Variants in ADAM28 observed in about 807,000 individuals in gnomAD.
ADAM28 encodes disintegrin and metalloproteinase domain-containing protein 28.
A neutral mutation model predicts 101.2 loss-of-function variants in ADAM28; 105 were observed. That is an observed-to-expected ratio of 1.04 (90% CI 0.89 to 1.22). The LOEUF (loss-of-function observed/expected upper bound fraction) is 1.22. ADAM28 is among the 50% of genes most tolerant of loss of function. The pLI, the probability that ADAM28 is intolerant of heterozygous loss-of-function variation, is 0.00. For synonymous variants in ADAM28, 322 were observed against 310.6 expected, an observed-to-expected ratio of 1.04 and a Z score of -0.39; for missense variants, 1,028 against 945.4, an observed-to-expected ratio of 1.09 and a Z score of -1.15.
chr8:24,299,397 T>C (rs781492183), intron 1 of ADAM28, among the ~76,000 whole-genome samples: 2 of 152,224 alleles, frequency 1.3e-5, no homozygotes, highest in Non-Finnish European at 2.9e-5. Flanking sequence ...ATAAGGTTTT[T>C]CTGTACTGCT....
intron 10 of ADAM28, among the ~76,000 whole-genome samples, chr8:24,327,415 C>T (rs933413277): frequency 7.2e-5 from 11 of 152,084 alleles, no homozygotes; most frequent in Non-Finnish European, 1.5e-4. Context: ...GAAAAATATT[C>T]CATGCTCATG....
chr8:24,331,061 C>A, intron 11 of ADAM28, 89 bp from the exon 12 acceptor site: 3 of 1,304,578 alleles, frequency 2.3e-6, no homozygotes, highest in Non-Finnish European at 3.1e-6. Flanking sequence ...TTGGGGCAGG[C>A]CGTGGGTGTA....
At chr8:24,322,976 G>A (rs927349052) in intron 8 of ADAM28, among the ~76,000 whole-genome samples, 1 of 151,718 alleles carries the variant, frequency 6.6e-6, no homozygotes, top group African/African-American at 2.4e-5. Context: ...GGATTATTTG[G>A]TTCAATCCAT....
chr8:24,346,251 C>T (rs1477038773), intron 18 of ADAM28, among the ~76,000 whole-genome samples: 1 of 151,984 alleles, frequency 6.6e-6, no homozygotes, highest in Non-Finnish European at 1.5e-5. Context: ...TAGCAATATT[C>T]CATGACTTTG....
chr8:24,350,757 G>T (rs1816001868), intron 19 of ADAM28, among the ~76,000 whole-genome samples: 1 of 152,112 alleles, frequency 6.6e-6, no homozygotes, highest in Non-Finnish European at 1.5e-5. Flanking sequence ...CATTTTGATG[G>T]ATATAGAAAC....
Position 24,310,147 on chromosome 8 carries a change from G to A in ADAM28, c.228-16G>A, listed in dbSNP as rs1270713011. 1 of 1,611,728 alleles carries A rather than the reference G, an allele frequency of 6.2e-7. No homozygotes were observed. ...CAGCACAAGTAACCACAACATTTTT[G>A]TGTTTCTTTCTCCAGGAACCTCCTT... On this transcript the variant is annotated splice_polypyrimidine_tract_variant and intron_variant, in intron 3 of 22. Transcript: ENST00000265769.
chr8:24,338,183 G>C (rs1320764656), intron 14 of ADAM28, among the ~76,000 whole-genome samples: 1 of 152,110 alleles, frequency 6.6e-6, no homozygotes, highest in African/African-American at 2.4e-5. Context: ...ATTTTTTAAT[G>C]ATAGTGGATA....
chr8:24,315,287 G>A (rs1811018580), intron 6 of ADAM28, among the ~76,000 whole-genome samples: 1 of 151,870 alleles, frequency 6.6e-6, no homozygotes, highest in South Asian at 2.1e-4. Flanking sequence ...GGCAGACTAA[G>A]AGGAAAACTC....
At chr8:24,326,108 G>A (rs895146998) in intron 9 of ADAM28, among the ~76,000 whole-genome samples, 3 of 151,508 alleles carry the variant, frequency 2.0e-5, no homozygotes, top group African/African-American at 7.3e-5. Context: ...TTCAAAATGG[G>A]CCCAATCCCT....
At chr8:24,311,558 C>A in intron 5 of ADAM28, 121 bp downstream of exon 5, 1 of 645,166 alleles carries the variant, frequency 1.5e-6, no homozygotes, top group Non-Finnish European at 2.4e-6. Flanking sequence ...ATCATAAGGG[C>A]CATAACATTT....
intron 13 of ADAM28, among the ~76,000 whole-genome samples, chr8:24,333,608 G>C (rs1347737348): frequency 2.0e-5 from 3 of 152,188 alleles, no homozygotes; most frequent in Non-Finnish European, 4.4e-5. Flanking sequence ...ACCTGCTGCT[G>C]TTTCTCATGC....
At chr8:24,348,088 A>T (rs530343380) in intron 18 of ADAM28, among the ~76,000 whole-genome samples, 4 of 152,078 alleles carry the variant, frequency 2.6e-5, no homozygotes, top group Non-Finnish European at 5.9e-5. Flanking sequence ...TTTCCTGTTT[A>T]TGTTCCCTTT....
At chr8:24,310,545 A>C (rs528693652) in intron 4 of ADAM28, among the ~76,000 whole-genome samples, 28 of 152,096 alleles carry the variant, frequency 1.8e-4, no homozygotes, top group African/African-American at 6.3e-4. Flanking sequence ...TTCTCAATCA[A>C]TTTCTATCAT....
intron 5 of ADAM28, among the ~76,000 whole-genome samples, chr8:24,312,276 T>C (rs557136667): frequency 1.3e-5 from 2 of 152,268 alleles, no homozygotes; most frequent in African/African-American, 4.8e-5. Flanking sequence ...AATGATTGTC[T>C]TTTGAATCTG....
At chr8:24,339,349 GTTTTATA>G in intron 14 of ADAM28, 110 bp from the exon 15 acceptor site, 1 of 747,662 alleles carries the variant, frequency 1.3e-6, no homozygotes, top group Non-Finnish European at 2.2e-6. Context: ...TTTCTTGCTT[GTTTTATA>G]TTTTATAAAT....
chr8:24,333,536 G>A (rs1324926898), intron 13 of ADAM28, among the ~76,000 whole-genome samples: 1 of 152,128 alleles, frequency 6.6e-6, no homozygotes, highest in African/African-American at 2.4e-5. Context: ...AATAAACATG[G>A]CCACTGTTGA....
intron 1 of ADAM28, among the ~76,000 whole-genome samples, chr8:24,297,339 G>C (rs769107139): frequency 2.6e-5 from 4 of 152,144 alleles, no homozygotes; most frequent in Non-Finnish European, 5.9e-5. Flanking sequence ...ATACTAACTA[G>C]AAGCATAGAG....
chr8:24,323,814 C>T lies in ADAM28; in HGVS notation c.721-20C>T. 6.3e-7 allele frequency: 1 copy of T among 1,585,510 alleles called. No individual in the cohort carries two copies. The highest frequency in any genetic ancestry group is 8.6e-7 in the Non-Finnish European group (1 of 1,166,174). ...TCACCATTATAATTAATTGCTTTGCCATTTATTTTCTTTGGACAGCTTTAT... is the reference window on the plus strand; with the variant it reads ...TCACCATTATAATTAATTGCTTTGCTATTTATTTTCTTTGGACAGCTTTAT... On this transcript the variant is annotated intron_variant, in intron 8 of 22. Transcript: ENST00000265769.
At chr8:24,309,679 A>C (rs1163637969) in intron 2 of ADAM28, among the ~76,000 whole-genome samples, 1 of 152,160 alleles carries the variant, frequency 6.6e-6, no homozygotes, top group African/African-American at 2.4e-5. Flanking sequence ...GGATGGATGG[A>C]AGGATGGTTG....
Sources: allele counts gnomAD v4.1 joint callset (sites outside exome capture counted in the v4.1 genomes callset), GRCh38; gene constraint gnomAD v4.1.1; transcripts MANE v1.5; gene names NCBI Gene and HGNC (gene_info 2026-07-23, HGNC 2026-07-21).